Variants in CERK observed in about 807,000 individuals in gnomAD.
The protein encoded by CERK is ceramide kinase.
In CERK, 39 loss-of-function variants were observed where a neutral mutation model predicts 63.4. That is an observed-to-expected ratio of 0.61 (90% confidence interval 0.48 to 0.80). The LOEUF is 0.80. Ranked by LOEUF, CERK falls within the 30% of genes least tolerant of loss-of-function variation. CERK has a pLI of 0.00. For synonymous variants in CERK, 302 were observed against 280.0 expected (o/e 1.08, Z -0.78); for missense variants, 670 against 714.1 (o/e 0.94, Z 0.70).
intron 3 of CERK, among the ~76,000 whole-genome samples, chr22:46,718,768 G>A (rs945546604): frequency 1.3e-5 from 2 of 152,204 alleles, no homozygotes; most frequent in African/African-American, 4.8e-5. Flanking sequence ...TGAAGCCTGT[G>A]CTGAGTTGTC....
chr22:46,723,870 G>A (rs966844946), intron 1 of CERK, among the ~76,000 whole-genome samples: 7 of 152,020 alleles, frequency 4.6e-5, no homozygotes, highest in Non-Finnish European at 8.8e-5. Context: ...GCTAACTTTT[G>A]TACTTTTAGT....
intron 11 of CERK, 78 bp downstream of exon 11, chr22:46,691,494 C>G (rs1258452327): frequency 8.0e-7 from 1 of 1,243,570 alleles, no homozygotes; most frequent in Non-Finnish European, 1.1e-6. Flanking sequence ...TAATGAATTC[C>G]TACAACACAT....
At chr22:46,708,900 G>C (rs9626895) in intron 5 of CERK, among the ~76,000 whole-genome samples, 7,266 of 152,188 alleles carry the variant, frequency 0.048, 574 homozygotes, top group African/African-American at 0.16. Context: ...GGTGCAGCCT[G>C]AGGGGCCTCC....
At chr22:46,695,804 C>T (rs1228170942) in intron 8 of CERK, among the ~76,000 whole-genome samples, 3 of 152,236 alleles carry the variant, frequency 2.0e-5, no homozygotes, top group Non-Finnish European at 4.4e-5. Context: ...CACCCAAAGT[C>T]TGGGGCCACC....
At chr22:46,724,958 T>C (rs1354841275) in intron 1 of CERK, among the ~76,000 whole-genome samples, 2 of 152,042 alleles carry the variant, frequency 1.3e-5, no homozygotes, top group Admixed American at 6.6e-5. Flanking sequence ...GAGGCGGGGC[T>C]TGCAGTGAGC....
At chr22:46,711,997 G>C (rs2082843403) in intron 4 of CERK, among the ~76,000 whole-genome samples, 171 bp downstream of exon 4, 1 of 152,176 alleles carries the variant, frequency 6.6e-6, no homozygotes, top group Non-Finnish European at 1.5e-5. Flanking sequence ...TGAGGCAGGA[G>C]GATCATCTGA....
At chr22:46,719,198 C>CCTTTA (rs2082880525) in intron 3 of CERK, among the ~76,000 whole-genome samples, 1 of 151,388 alleles carries the variant, frequency 6.6e-6, no homozygotes, top group South Asian at 2.1e-4. Context: ...TTTTTTTAAA[C>CCTTTA]TTTTAAGTTC....
chr22:46,689,581 C>T (rs1196474291), intron 12 of CERK, among the ~76,000 whole-genome samples: 5 of 152,048 alleles, frequency 3.3e-5, no homozygotes, highest in African/African-American at 1.2e-4. Context: ...ACCATGTTGG[C>T]GAGGCTGGTC....
intron 1 of CERK, 96 bp downstream of exon 1, chr22:46,737,911 G>T (rs2082983420): frequency 6.2e-6 from 5 of 810,538 alleles, no homozygotes; most frequent in South Asian, 1.1e-4. Flanking sequence ...TACCACAGCC[G>T]CTCGCTCCCT....
chr22:46,707,789 C>T, intron 6 of CERK, 54 bp downstream of exon 6: 1 of 1,556,754 alleles, frequency 6.4e-7, no homozygotes. Flanking sequence ...TTGTGCAGAA[C>T]AATTCCTAAG....
chr22:46,692,580 T>C (rs2082737223), intron 10 of CERK, among the ~76,000 whole-genome samples: 1 of 149,330 alleles, frequency 6.7e-6, no homozygotes, highest in Admixed American at 6.7e-5. Flanking sequence ...CCAGCCTGGG[T>C]GATGGAACAA....
At chr22:46,710,613 A>G (rs1338526563) in intron 5 of CERK, among the ~76,000 whole-genome samples, 3 of 152,180 alleles carry the variant, frequency 2.0e-5, no homozygotes, top group African/African-American at 7.2e-5. Context: ...AAGAGCAAAA[A>G]TTGGAAAGAG....
In CERK at chr22:46,684,975, C is replaced by G. The variant is rs1601704005; in HGVS notation, c.*2159G>C. The G allele has an allele frequency of 6.6e-6, 1 of 152,242 alleles. No individual in the cohort carries two copies. The highest frequency in any genetic ancestry group is 1.9e-4 in the East Asian group (1 of 5,184). 9.4% of individuals were successfully genotyped at this position (152,242 alleles called of 1,614,324 possible). A position where few individuals can be genotyped will look rare whatever the true frequency, so the allele number is the denominator to read the frequency against. ...CCAGCCATGCGGAATGGCTGGGTTTCTTATTGAACATGAAATGCTTCCTCT... is the reference window on the plus strand; with the variant it reads ...CCAGCCATGCGGAATGGCTGGGTTTGTTATTGAACATGAAATGCTTCCTCT... On this transcript the variant is annotated 3_prime_UTR_variant, in exon 13 of 13. Coordinates refer to ENST00000216264, the MANE Select transcript of CERK (RefSeq NM_022766.6).
In CERK at chr22:46,738,077, G is replaced by GCTCACGGCGCAGCGCTGCTGCTTCA; in HGVS notation, c.47_71dup (p.Leu25GlufsTer40). The stretch of plus-strand genomic sequence containing the variant: ...GCAGCAGAGCCCGCGCGGGCTCCAG[G>GCTCACGGCGCAGCGCTGCTGCTTCA]CTCACGGCGCAGCGCTGCTGCTTCA... On this transcript the variant is annotated frameshift_variant, in exon 1 of 13. Transcript: ENST00000216264. LOFTEE classifies it high-confidence loss of function. The GCTCACGGCGCAGCGCTGCTGCTTCA allele has an allele frequency of 7.8e-7, 1 of 1,279,146 alleles. No homozygotes were observed. The allele number at this position is 1,279,146 out of a possible 1,614,324, so 79.2% of individuals were successfully genotyped here. A position where few individuals can be genotyped will look rare whatever the true frequency, so the allele number is the denominator to read the frequency against.
At chr22:46,688,767 G>T (rs898684495) in intron 12 of CERK, among the ~76,000 whole-genome samples, 2 of 152,218 alleles carry the variant, frequency 1.3e-5, no homozygotes, top group Non-Finnish European at 2.9e-5. Flanking sequence ...GCCTGCTATC[G>T]CTCTCACGCC....
intron 6 of CERK, among the ~76,000 whole-genome samples, chr22:46,707,408 G>T (rs2082818320): frequency 6.6e-6 from 1 of 152,144 alleles, no homozygotes; most frequent in Non-Finnish European, 1.5e-5. Context: ...TCCTGCCCTT[G>T]GTTCCGCCCC....
chr22:46,704,774 G>T (rs970222696), intron 6 of CERK, among the ~76,000 whole-genome samples: 1 of 143,538 alleles, frequency 7.0e-6, no homozygotes, highest in African/African-American at 2.6e-5. Flanking sequence ...GCAGTGAGCT[G>T]AGATCATGCC....
At chr22:46,700,926 G>C (rs747440165) in intron 7 of CERK, among the ~76,000 whole-genome samples, 2 of 151,420 alleles carry the variant, frequency 1.3e-5, no homozygotes, top group African/African-American at 4.9e-5. Flanking sequence ...CAGGAGAATC[G>C]CTTGAACTTG....
chr22:46,737,048 C>T (rs1255594430), intron 1 of CERK, among the ~76,000 whole-genome samples: 1 of 152,200 alleles, frequency 6.6e-6, no homozygotes, highest in African/African-American at 2.4e-5. Context: ...AATCCCAGCA[C>T]TTTGAGAGGC....
Sources: gnomAD v4.1 joint callset for allele counts (sites outside exome capture counted in the v4.1 genomes callset) on GRCh38, gnomAD v4.1.1 for gene constraint, MANE v1.5 for transcripts, NCBI Gene and HGNC (gene_info 2026-07-23, HGNC 2026-07-21) for gene names.